Variants in RGL1 observed in about 807,000 individuals in gnomAD.
RGL1 encodes the protein ral guanine nucleotide dissociation stimulator like 1, also known as ral guanine nucleotide dissociation stimulator-like 1.
A neutral mutation model predicts 95.2 loss-of-function variants in RGL1; 24 were observed. That is an observed-to-expected ratio of 0.25 (90% CI 0.18 to 0.35). RGL1 has a LOEUF of 0.35. RGL1 is among the 10% of genes least tolerant of loss of function. RGL1 has a pLI of 1.00. For missense variants in RGL1, 715 were observed against 936.3 expected (o/e 0.76, Z 3.08); for synonymous variants, 329 against 344.9 (o/e 0.95, Z 0.51).
At chr1:183,762,482 T>C (rs964780199) in intron 2 of RGL1, among the ~76,000 whole-genome samples, 1 of 152,214 alleles carries the variant, frequency 6.6e-6, no homozygotes, top group African/African-American at 2.4e-5. Flanking sequence ...TTTGAATACA[T>C]AATAGTAATT....
intron 2 of RGL1, among the ~76,000 whole-genome samples, chr1:183,836,460 G>A (rs1663662497): frequency 6.6e-6 from 1 of 151,736 alleles, no homozygotes; most frequent in Admixed American, 6.6e-5. Flanking sequence ...GTAGAGATGG[G>A]GTTTCTCCAT....
chr1:183,797,493 A>T (rs940568979), intron 2 of RGL1, among the ~76,000 whole-genome samples: 3 of 152,138 alleles, frequency 2.0e-5, no homozygotes, highest in African/African-American at 7.2e-5. Flanking sequence ...TTTAGTTGTA[A>T]TACGTCTGCC....
At chr1:183,781,117 G>A (rs139299367) in intron 2 of RGL1, among the ~76,000 whole-genome samples, 36 of 152,248 alleles carry the variant, frequency 2.4e-4, no homozygotes, top group African/African-American at 7.7e-4. Context: ...CATACTCTCA[G>A]GCATGGACTA....
intron 2 of RGL1, among the ~76,000 whole-genome samples, chr1:183,815,824 C>G (rs1662046761): frequency 6.6e-6 from 1 of 152,148 alleles, no homozygotes; most frequent in Non-Finnish European, 1.5e-5. Flanking sequence ...GCACTCAACT[C>G]ACTGAGTGGT....
Position 183,880,914 on chromosome 1 carries a change from A to G in RGL1, c.610+114A>G, listed in dbSNP as rs183111608. The G allele has an allele frequency of 2.6e-4, 233 of 881,648 alleles. No homozygotes were observed. The African/African-American group carries it at 3.3e-3, about 12-fold the overall frequency. 54.6% of individuals were successfully genotyped at this position (881,648 alleles called of 1,614,324 possible). On this transcript the variant is annotated intron_variant, in intron 5 of 17. Transcript: ENST00000360851. Reference sequence around the variant, plus strand: ...AGGAAACCTTGGTACCCTCAAAACAACATGCTGCTGGAGGATTGGCTTGAG... The same window carrying G: ...AGGAAACCTTGGTACCCTCAAAACAGCATGCTGCTGGAGGATTGGCTTGAG...
intron 3 of RGL1, among the ~76,000 whole-genome samples, chr1:183,858,259 G>A (rs1665286172): frequency 6.6e-6 from 1 of 152,136 alleles, no homozygotes; most frequent in Non-Finnish European, 1.5e-5. Context: ...AGCAGTTGGT[G>A]GGAGTGATTG....
At chr1:183,828,345 C>T (rs1245865832) in intron 2 of RGL1, among the ~76,000 whole-genome samples, 9 of 152,108 alleles carry the variant, frequency 5.9e-5, no homozygotes. Context: ...TCCAGCACCC[C>T]GTAAGTGGAA....
intron 1 of RGL1, among the ~76,000 whole-genome samples, chr1:183,679,474 A>C (rs1041782399): frequency 7.2e-6 from 1 of 139,622 alleles, no homozygotes; most frequent in Non-Finnish European, 1.5e-5. Context: ...CTTATGAGTG[A>C]GAACATGCGG....
intron 3 of RGL1, among the ~76,000 whole-genome samples, chr1:183,865,573 TG>T (rs147038960): frequency 6.6e-6 from 1 of 152,276 alleles, no homozygotes; most frequent in East Asian, 1.9e-4. Context: ...GGCATGAGTG[TG>T]GATGCTGTGC....
At chr1:183,813,154 G>A (rs1018503752) in intron 2 of RGL1, among the ~76,000 whole-genome samples, 2 of 152,176 alleles carry the variant, frequency 1.3e-5, no homozygotes, top group African/African-American at 4.8e-5. Flanking sequence ...GACTGAAGCT[G>A]TGGCGGCAGA....
chr1:183,747,907 TG>T (rs1657745853), intron 2 of RGL1, among the ~76,000 whole-genome samples: 1 of 152,176 alleles, frequency 6.6e-6, no homozygotes, highest in African/African-American at 2.4e-5. Flanking sequence ...TCAGAAGGAA[TG>T]GTGCCAGCTC....
At chr1:183,776,717 G>A (rs996920905) in intron 2 of RGL1, among the ~76,000 whole-genome samples, 1 of 152,174 alleles carries the variant, frequency 6.6e-6, no homozygotes, top group Non-Finnish European at 1.5e-5. Flanking sequence ...TATGGATGGA[G>A]CATAGGGTTC....
intron 1 of RGL1, chr1:183,648,156 T>C: frequency 6.2e-7 from 1 of 1,614,192 alleles, no homozygotes; most frequent in Non-Finnish European, 8.5e-7. Context: ...CTGAAAAACA[T>C]GTGATCCTGA....
intron 1 of RGL1, among the ~76,000 whole-genome samples, chr1:183,723,315 C>T (rs1337243069): frequency 6.6e-6 from 1 of 152,172 alleles, no homozygotes; most frequent in East Asian, 1.9e-4. Context: ...TAACAACTAT[C>T]TACCCACATA....
intron 3 of RGL1, among the ~76,000 whole-genome samples, chr1:183,864,970 T>G (rs1665738992): frequency 6.6e-6 from 1 of 152,238 alleles, no homozygotes; most frequent in African/African-American, 2.4e-5. Flanking sequence ...AAAAGTGTGC[T>G]CTTTAAAAAT....
intron 2 of RGL1, among the ~76,000 whole-genome samples, chr1:183,830,384 G>A (rs1663179194): frequency 6.6e-6 from 1 of 152,114 alleles, no homozygotes; most frequent in African/African-American, 2.4e-5. Context: ...AGAAAGTATT[G>A]GAAGCTGCTT....
chr1:183,776,287 T>C (rs1002191945), intron 2 of RGL1, among the ~76,000 whole-genome samples: 1 of 151,152 alleles, frequency 6.6e-6, no homozygotes, highest in Non-Finnish European at 1.5e-5. Flanking sequence ...TAGCTGGGAC[T>C]ACAGGCGCCC....
At chr1:183,736,733 G>T (rs900123008) in intron 1 of RGL1, among the ~76,000 whole-genome samples, 1 of 152,146 alleles carries the variant, frequency 6.6e-6, no homozygotes, top group African/African-American at 2.4e-5. Context: ...CAGGGTAAAT[G>T]CCAGACATTT....
chr1:183,725,287 A>G lies in RGL1; in HGVS notation c.-32-16839A>G, dbSNP rs147631411. On this transcript the variant is annotated intron_variant, in intron 1 of 18. Coordinates refer to the RGL1 transcript ENST00000304685. ...TATTAGTCTGTTCTCACACTGCTAT[A>G]AAGAACTGCCCAAGACTCAGTAATT... 2.7e-4 allele frequency among the ~76,000 whole-genome samples: 41 copies of G among 152,280 alleles called. No homozygotes were observed. The East Asian group carries it at 7.3e-3, about 27-fold the overall frequency.
Sources: gnomAD v4.1 joint callset for allele counts (sites outside exome capture counted in the v4.1 genomes callset) on GRCh38, gnomAD v4.1.1 for gene constraint, MANE v1.5 for transcripts, NCBI Gene and HGNC (gene_info 2026-07-23, HGNC 2026-07-21) for gene names.